GRB14: variants seen among roughly 807,000 people sequenced by gnomAD.
GRB14 encodes the protein growth factor receptor-bound protein 14.
GRB14 carries 38 observed loss-of-function variants against 69.1 expected under a neutral mutation model. That is an observed-to-expected ratio of 0.55 (90% CI 0.42 to 0.72). GRB14 has a LOEUF of 0.72. Among genes scored for constraint, GRB14 ranks in the 30% least tolerant of loss-of-function variants. GRB14 has a pLI of 0.00. For missense variants in GRB14, 666 were observed against 666.1 expected, an observed-to-expected ratio of 1.00 and a Z score of 0.00; for synonymous variants, 247 against 241.3, an observed-to-expected ratio of 1.02 and a Z score of -0.22.
chr2:164,492,980 AT>A lies in GRB14; in HGVS notation c.*55del. On this transcript the variant is annotated 3_prime_UTR_variant, in exon 14 of 14. Transcript: ENST00000263915. Reference sequence around the variant, plus strand: ...TTTTCGCCCTTATTTATGGTCTTTTATTATTTTTCTTGAGTCCTTTTCCTTC... The same window carrying A: ...TTTTCGCCCTTATTTATGGTCTTTTATATTTTTCTTGAGTCCTTTTCCTTC... 1 of 1,505,906 alleles carries A rather than the reference AT, an allele frequency of 6.6e-7. No homozygotes were observed. Among genetic ancestry groups the A allele is most frequent in the Non-Finnish European group, 9.0e-7 (1 of 1,111,922 alleles). The allele number at this position is 1,505,906 out of a possible 1,614,324, so 93.3% of individuals were successfully genotyped here.
chr2:164,598,636 T>C (rs1343934827), intron 2 of GRB14, among the ~76,000 whole-genome samples: 1 of 152,186 alleles, frequency 6.6e-6, no homozygotes, highest in Non-Finnish European at 1.5e-5. Context: ...GCTATATTTA[T>C]TGGTCTTCGC....
intron 2 of GRB14, among the ~76,000 whole-genome samples, chr2:164,612,660 C>T (rs1690195048): frequency 6.6e-6 from 1 of 151,914 alleles, no homozygotes; most frequent in Non-Finnish European, 1.5e-5. Context: ...TTTTTCAAAG[C>T]AATATCCATA....
At chr2:164,510,009 A>G (rs986186712) in intron 6 of GRB14, among the ~76,000 whole-genome samples, 6 of 152,286 alleles carry the variant, frequency 3.9e-5, no homozygotes, top group African/African-American at 1.4e-4. Flanking sequence ...GGAGAATAAG[A>G]CAGGAAAGAA....
chr2:164,538,260 T>G, intron 3 of GRB14, among the ~76,000 whole-genome samples: 1 of 152,138 alleles, frequency 6.6e-6, no homozygotes, highest in Non-Finnish European at 1.5e-5. Flanking sequence ...AGTCTGTAGG[T>G]ATGCGCTTGA....
chr2:164,561,059 G>A (rs1239660965), intron 2 of GRB14, among the ~76,000 whole-genome samples: 2 of 151,944 alleles, frequency 1.3e-5, no homozygotes, highest in Non-Finnish European at 2.9e-5. Context: ...CCTACAGACC[G>A]CCCCAAGCAG....
chr2:164,563,309 T>A (rs1163183153), intron 2 of GRB14, among the ~76,000 whole-genome samples: 2 of 152,178 alleles, frequency 1.3e-5, no homozygotes, highest in African/African-American at 4.8e-5. Context: ...TCCAAGGCAC[T>A]TGTAGAGGAG....
chr2:164,508,895 A>C, intron 6 of GRB14, 43 bp from the exon 7 acceptor site: 2 of 1,346,848 alleles, frequency 1.5e-6, no homozygotes. Flanking sequence ...TTTTTGCATT[A>C]TCTTTTTTGT....
intron 2 of GRB14, chr2:164,568,322 T>C: frequency 7.8e-7 from 1 of 1,288,366 alleles, no homozygotes; most frequent in Admixed American, 2.3e-5. Flanking sequence ...TACCCTTTTC[T>C]GTAGAATTAT....
Position 164,492,695 on chromosome 2 carries a change from T to A in GRB14, c.*341A>T. 5.9e-6 allele frequency: 1 copy of A among 170,612 alleles called. No individual in the cohort carries two copies. The highest frequency in any genetic ancestry group is 6.3e-5 in the Admixed American group (1 of 15,858). 10.6% of individuals were successfully genotyped at this position (170,612 alleles called of 1,614,324 possible). ...TATTCCTGACTCCCAATTTATTTCA[T>A]ATTTTGTGTTTCAGAATTCTGATGT... On this transcript the variant is annotated 3_prime_UTR_variant, in exon 14 of 14. Transcript: ENST00000263915.
chr2:164,565,983 G>A (rs993753858), intron 2 of GRB14, among the ~76,000 whole-genome samples: 4 of 152,106 alleles, frequency 2.6e-5, no homozygotes, highest in Non-Finnish European at 2.9e-5. Flanking sequence ...CTATTGCTAC[G>A]GAGCATTTTC....
chr2:164,601,171 C>G (rs1257411817), intron 2 of GRB14, among the ~76,000 whole-genome samples: 1 of 152,058 alleles, frequency 6.6e-6, no homozygotes, highest in African/African-American at 2.4e-5. Flanking sequence ...ACATCCTGAT[C>G]TTAGAATGAT....
intron 9 of GRB14, among the ~76,000 whole-genome samples, chr2:164,497,983 A>AAGTT (rs1686948283): frequency 1.3e-5 from 2 of 152,166 alleles, no homozygotes; most frequent in Non-Finnish European, 2.9e-5. Flanking sequence ...AGATACCCAA[A>AAGTT]AGTTATAACT....
intron 2 of GRB14, among the ~76,000 whole-genome samples, chr2:164,559,016 T>C (rs1172709008): frequency 6.6e-6 from 1 of 152,228 alleles, no homozygotes; most frequent in Admixed American, 6.5e-5. Context: ...GGATGTAACT[T>C]ACCCTTAATG....
At chr2:164,618,168 T>C (rs1220240443) in intron 2 of GRB14, among the ~76,000 whole-genome samples, 1 of 152,102 alleles carries the variant, frequency 6.6e-6, no homozygotes, top group Non-Finnish European at 1.5e-5. Flanking sequence ...GGTTTTACCA[T>C]GTTGGACAGG....
Position 164,611,818 on chromosome 2 carries a change from C to T in GRB14, c.324+7869G>A, listed in dbSNP as rs573914543. On this transcript the variant is annotated intron_variant, in intron 2 of 13. Coordinates refer to ENST00000263915, the MANE Select transcript of GRB14 (RefSeq NM_004490.3). ...TGTCCTATGACACCCCAAACATACT[C>T]TTTATCACAAAAAAGTGTGGTCACT... 5.9e-5 allele frequency among the ~76,000 whole-genome samples: 9 copies of T among 152,190 alleles called. No homozygotes were observed. The South Asian group carries it at 1.9e-3, about 32-fold the overall frequency.
chr2:164,550,532 TAA>T (rs1432598682), intron 2 of GRB14, among the ~76,000 whole-genome samples: 1 of 152,210 alleles, frequency 6.6e-6, no homozygotes, highest in Non-Finnish European at 1.5e-5. Context: ...TACAATGATA[TAA>T]AGTGGTAAAA....
chr2:164,562,126 A>G (rs1027763877), intron 2 of GRB14, among the ~76,000 whole-genome samples: 4 of 152,232 alleles, frequency 2.6e-5, no homozygotes, highest in Non-Finnish European at 5.9e-5. Flanking sequence ...TTGGGGTTCA[A>G]TGATGATCAA....
intron 6 of GRB14, among the ~76,000 whole-genome samples, chr2:164,511,705 T>C (rs559387683): frequency 1.3e-5 from 2 of 152,142 alleles, no homozygotes; most frequent in Admixed American, 1.3e-4. Context: ...TTGTGGTGAC[T>C]ATGGTGAGAG....
At chr2:164,554,003 A>C (rs1377658916) in intron 2 of GRB14, among the ~76,000 whole-genome samples, 1 of 152,066 alleles carries the variant, frequency 6.6e-6, no homozygotes, top group Middle Eastern at 3.2e-3. Flanking sequence ...TGAAGCCTTA[A>C]CTCTCTAGTA....
Sources: allele counts gnomAD v4.1 joint callset (sites outside exome capture counted in the v4.1 genomes callset), GRCh38; gene constraint gnomAD v4.1.1; transcripts MANE v1.5; gene names NCBI Gene and HGNC (gene_info 2026-07-23, HGNC 2026-07-21).